COBL: variants seen among roughly 807,000 people sequenced by gnomAD.
COBL encodes the protein protein cordon-bleu.
COBL carries 51 observed loss-of-function variants against 98.8 expected under a neutral mutation model. The observed-to-expected ratio is 0.52, with a 90% confidence interval of 0.41 to 0.65. The LOEUF (loss-of-function observed/expected upper bound fraction) is 0.65, where lower values mean the gene tolerates loss of function less well. Among genes scored for constraint, COBL ranks in the 30% least tolerant of loss-of-function variants. The pLI is 0.00. For synonymous variants in COBL, 634 were observed against 651.7 expected, an observed-to-expected ratio of 0.97 and a Z score of 0.41; for missense variants, 1,617 against 1,617.5, an observed-to-expected ratio of 1.00 and a Z score of 0.01.
chr7:51,114,114 A>G lies in COBL; in HGVS notation c.957+22044T>C, dbSNP rs557692559. ...CTACATAAGCGATCTCCACCTTTAT[A>G]TGTGCAGGGAGCCTGCTGGGGAGGT... is the stretch of plus-strand genomic sequence containing the variant. On this transcript the variant is annotated intron_variant, in intron 6 of 12. Coordinates refer to ENST00000265136, the MANE Select transcript of COBL (RefSeq NM_015198.5). Among the ~76,000 whole-genome samples, 7 of 152,328 alleles carry G rather than the reference A, an allele frequency of 4.6e-5. 1 individual carries two copies. In the South Asian group the frequency reaches 1.4e-3, roughly 32 times the overall value.
In COBL at chr7:51,025,812, C is replaced by G. The variant is rs575135127; in HGVS notation, c.3505-440G>C. On this transcript the variant is annotated intron_variant, in intron 11 of 12. Coordinates refer to ENST00000265136, the MANE Select transcript of COBL (RefSeq NM_015198.5). ...CACAGCTGATTATCTTACCCCTGGA[C>G]CTGAGACAGTTCTTTTGCAATAAGC... Among the ~76,000 whole-genome samples the G allele has an allele frequency of 8.5e-5, 13 of 152,308 alleles. No homozygotes were observed. The South Asian group carries it at 2.7e-3, about 32-fold the overall frequency.
chr7:51,027,773 G>A lies in COBL; in HGVS notation c.3323C>T (p.Ser1108Phe). 1.2e-6 allele frequency: 2 copies of A among 1,614,220 alleles called. No homozygotes were observed. The highest frequency in any genetic ancestry group is 1.7e-6 in the Non-Finnish European group (2 of 1,180,044). The part of the protein sequence containing the change: ...VVQRPVPKDT[S>F]LHSALMEAIH... The stretch of plus-strand genomic sequence containing the variant: ...GGCTTCCATCAGGGCAGAGTGCAGG[G>A]ATGTGTCTTTTGGGACTGGTCTCTG... Residue 1108 changes from serine (S) to phenylalanine (F), a missense_variant, in exon 10 of 13, where the codon TCC becomes TTC. Coordinates refer to ENST00000265136, the MANE Select transcript of COBL (RefSeq NM_015198.5).
At chr7:51,202,725 T>C (rs1326225446) in intron 2 of COBL, among the ~76,000 whole-genome samples, 1 of 152,186 alleles carries the variant, frequency 6.6e-6, no homozygotes, top group Non-Finnish European at 1.5e-5. Flanking sequence ...GGGAAGTTTA[T>C]AGCAGTAAGA....
At chr7:51,189,091 T>C (rs997693177) in intron 4 of COBL, among the ~76,000 whole-genome samples, 6 of 152,240 alleles carry the variant, frequency 3.9e-5, no homozygotes, top group Non-Finnish European at 8.8e-5. Flanking sequence ...ACTGAGACTA[T>C]TTCTGTCTGT....
At chr7:51,115,852 T>G (rs1323156931) in intron 6 of COBL, among the ~76,000 whole-genome samples, 1 of 152,106 alleles carries the variant, frequency 6.6e-6, no homozygotes, top group Non-Finnish European at 1.5e-5. Flanking sequence ...ATGTGTCTAT[T>G]TCTCCTAATT....
Position 51,121,941 on chromosome 7 carries a change from G to A in COBL, c.957+14217C>T, listed in dbSNP as rs116423510. Among the ~76,000 whole-genome samples the A allele has an allele frequency of 3.3e-3, 506 of 152,274 alleles. 2 individuals are homozygous for A. The highest frequency in any genetic ancestry group is 0.011 in the African/African-American group (475 of 41,552). On this transcript the variant is annotated intron_variant, in intron 6 of 12. Coordinates refer to ENST00000265136, the MANE Select transcript of COBL (RefSeq NM_015198.5). ...CAAAACCAAAGTGACAAAGTATGAC[G>A]AAGTACAAGGATAAGAACAGCATAC...
rs62448315 is a variant in COBL at position 51,183,923 on chromosome 7, C to A, written c.783+179G>T. On this transcript the variant is annotated intron_variant, in intron 5 of 12. Transcript: ENST00000265136. ...CACCCAAGATTACTCCTTTTGGAAT[C>A]AAGTGTGGAAGCACAGCCTGTCATT... 8.2e-3 allele frequency among the ~76,000 whole-genome samples: 1,254 copies of A among 152,328 alleles called. 12 individuals carry two copies. Among genetic ancestry groups the A allele is most frequent in the Non-Finnish European group, 0.013 (860 of 68,028 alleles).
intron 8 of COBL, chr7:51,034,231 C>T (rs1788414764): frequency 1.3e-5 from 2 of 152,428 alleles, no homozygotes; most frequent in African/African-American, 2.4e-5. Flanking sequence ...GGGGCTGGCT[C>T]CTTGGGGCCC....
intron 7 of COBL, among the ~76,000 whole-genome samples, chr7:51,047,080 G>A (rs1789780271): frequency 6.6e-6 from 1 of 152,234 alleles, no homozygotes; most frequent in South Asian, 2.1e-4. Flanking sequence ...TCTTCCCTGA[G>A]AGGGTAAGTC....
At chr7:51,283,641 C>G (rs566187924) in intron 1 of COBL, among the ~76,000 whole-genome samples, 1 of 151,960 alleles carries the variant, frequency 6.6e-6, no homozygotes, top group Non-Finnish European at 1.5e-5. Context: ...CGCACCACCA[C>G]GCCCAGCTAA....
intron 6 of COBL, among the ~76,000 whole-genome samples, chr7:51,113,817 T>C (rs996560661): frequency 2.6e-5 from 4 of 152,220 alleles, no homozygotes; most frequent in Admixed American, 6.5e-5. Flanking sequence ...TAAGTGTGGT[T>C]CTCTTCACAT....
intron 6 of COBL, among the ~76,000 whole-genome samples, chr7:51,096,419 G>A (rs1182617663): frequency 2.6e-5 from 4 of 152,018 alleles, no homozygotes; most frequent in South Asian, 2.1e-4. Flanking sequence ...GAAAAACAAC[G>A]AAAGAGCTCA....
At chr7:51,100,508 A>G (rs1360558099) in intron 6 of COBL, among the ~76,000 whole-genome samples, 1 of 152,186 alleles carries the variant, frequency 6.6e-6, no homozygotes, top group Non-Finnish European at 1.5e-5. Flanking sequence ...AAGCCCTCTA[A>G]GCTCTCACTG....
intron 2 of COBL, among the ~76,000 whole-genome samples, chr7:51,207,260 G>A (rs1791826925): frequency 2.0e-5 from 3 of 150,660 alleles, no homozygotes; most frequent in South Asian, 2.1e-4. Context: ...TTTGGTTAAG[G>A]AAATGGAAGG....
At chr7:51,182,233 C>G (rs1789042464) in intron 5 of COBL, among the ~76,000 whole-genome samples, 1 of 151,496 alleles carries the variant, frequency 6.6e-6, no homozygotes, top group Non-Finnish European at 1.5e-5. Context: ...AAAAAACCAA[C>G]AAGACAACAT....
intron 1 of COBL, among the ~76,000 whole-genome samples, chr7:51,298,764 C>T (rs1001138689): frequency 3.9e-5 from 6 of 152,188 alleles, no homozygotes; most frequent in Non-Finnish European, 7.3e-5. Flanking sequence ...CTCATCCTAC[C>T]TCAGGAGTTA....
chr7:51,088,864 C>T (rs781357267), intron 6 of COBL, among the ~76,000 whole-genome samples: 1 of 152,192 alleles, frequency 6.6e-6, no homozygotes, highest in African/African-American at 2.4e-5. Flanking sequence ...CCCGAGTACT[C>T]TGGTGAGAGG....
At chr7:51,247,792 C>T (rs552449112) in intron 1 of COBL, among the ~76,000 whole-genome samples, 10 of 152,228 alleles carry the variant, frequency 6.6e-5, no homozygotes, top group East Asian at 1.9e-4. Flanking sequence ...TGAAAGAAGA[C>T]GCCAAAGGGT....
intron 1 of COBL, among the ~76,000 whole-genome samples, chr7:51,284,903 G>T (rs181356578): frequency 1.6e-3 from 248 of 150,558 alleles, no homozygotes; most frequent in African/African-American, 5.8e-3. Context: ...TTTCCCCTAA[G>T]ATCAGGAACA....
Sources: gnomAD v4.1 joint callset for allele counts (sites outside exome capture counted in the v4.1 genomes callset) on GRCh38, gnomAD v4.1.1 for gene constraint, MANE v1.5 for transcripts, NCBI Gene and HGNC (gene_info 2026-07-23, HGNC 2026-07-21) for gene names.